RAB3C: variants seen among roughly 807,000 people sequenced by gnomAD.
RAB3C encodes the protein ras-related protein Rab-3C.
Under a neutral mutation model 26.4 loss-of-function variants are expected in RAB3C, and 17 were observed. The ratio of observed to expected loss-of-function variants is 0.64; its 90% CI spans 0.44 to 0.97. RAB3C has a LOEUF of 0.97. RAB3C is among the 50% of genes least tolerant of loss of function. RAB3C has a pLI of 0.00. For missense variants in RAB3C, 242 were observed against 281.9 expected, an observed-to-expected ratio of 0.86 and a Z score of 1.01; for synonymous variants, 91 against 95.9, an observed-to-expected ratio of 0.95 and a Z score of 0.30.
chr5:58,779,417 C>G (rs562522768), intron 3 of RAB3C, among the ~76,000 whole-genome samples: 1 of 151,404 alleles, frequency 6.6e-6, no homozygotes, highest in Non-Finnish European at 1.5e-5. Context: ...CAGTGGCTCA[C>G]TCTGTTGCCC....
chr5:58,710,320 C>T (rs527699022), intron 2 of RAB3C, among the ~76,000 whole-genome samples: 5 of 152,048 alleles, frequency 3.3e-5, no homozygotes, highest in South Asian at 2.1e-4. Context: ...TTTTCCAGGC[C>T]GGGCGTGGTG....
intron 3 of RAB3C, chr5:58,814,626 A>T (rs1193232468): frequency 3.3e-5 from 5 of 152,220 alleles, no homozygotes; most frequent in Non-Finnish European, 7.3e-5. Context: ...GTGAAAGCAT[A>T]ACCCAGTCAT....
intron 2 of RAB3C, among the ~76,000 whole-genome samples, chr5:58,627,053 A>G (rs529046156): frequency 7.9e-5 from 12 of 152,290 alleles, no homozygotes; most frequent in African/African-American, 2.4e-4. Flanking sequence ...GGAGCCATCT[A>G]TGCATTTAAA....
intron 3 of RAB3C, among the ~76,000 whole-genome samples, chr5:58,759,903 G>A (rs140556232): frequency 3.9e-5 from 6 of 152,314 alleles, no homozygotes; most frequent in African/African-American, 7.2e-5. Flanking sequence ...TTTACAGGAC[G>A]AAAATTAGGC....
intron 3 of RAB3C, among the ~76,000 whole-genome samples, chr5:58,761,059 T>TCA (rs777146349): frequency 2.9e-5 from 2 of 68,582 alleles, no homozygotes; most frequent in Admixed American, 1.4e-4. Context: ...CCTCTCTCTC[T>TCA]CTCTCACACA....
chr5:58,614,598 TGTCCCTCCTA>T (rs1254065976), intron 1 of RAB3C, among the ~76,000 whole-genome samples: 1 of 152,034 alleles, frequency 6.6e-6, no homozygotes, highest in Non-Finnish European at 1.5e-5. Context: ...ACCAGCTCTG[TGTCCCTCCTA>T]GACCCCCTCT....
rs1301150597 is a variant in RAB3C, at chr5:58,856,933, T to C, written c.*5582T>C. ...TCCTGTAATTCCTGTTAATATATTG[T>C]TAATGTCAGACGTGATGTGATACCG... On this transcript the variant is annotated 3_prime_UTR_variant, in exon 5 of 5. Transcript: ENST00000282878. 1.3e-5 allele frequency: 2 copies of C among 152,220 alleles called. No homozygotes were observed. Among genetic ancestry groups the C allele is most frequent in the East Asian group, 3.8e-4 (2 of 5,200 alleles). 9.4% of individuals were successfully genotyped at this position (152,220 alleles called of 1,614,324 possible).
intron 2 of RAB3C, among the ~76,000 whole-genome samples, chr5:58,683,251 A>G (rs1302274159): frequency 2.6e-5 from 4 of 152,218 alleles, no homozygotes; most frequent in Non-Finnish European, 5.9e-5. Flanking sequence ...ATAAGTTTTA[A>G]AGCTTGAAAA....
intron 2 of RAB3C, among the ~76,000 whole-genome samples, chr5:58,642,086 C>T (rs977350506): frequency 1.3e-5 from 2 of 152,188 alleles, no homozygotes; most frequent in South Asian, 2.1e-4. Context: ...AGCCTAACTT[C>T]CTTTCTATGA....
intron 3 of RAB3C, among the ~76,000 whole-genome samples, chr5:58,740,491 A>G (rs1266810091): frequency 1.3e-5 from 2 of 152,134 alleles, no homozygotes; most frequent in Non-Finnish European, 2.9e-5. Flanking sequence ...TATAACTGTT[A>G]TGTCAACTTG....
At chr5:58,750,138 A>G (rs1373999422) in intron 3 of RAB3C, among the ~76,000 whole-genome samples, 1 of 152,180 alleles carries the variant, frequency 6.6e-6, no homozygotes, top group Non-Finnish European at 1.5e-5. Context: ...GTTTTATAAT[A>G]TATTTTGCTA....
intron 1 of RAB3C, among the ~76,000 whole-genome samples, chr5:58,594,114 A>T (rs1460564361): frequency 1.3e-5 from 2 of 152,162 alleles, no homozygotes; most frequent in Non-Finnish European, 2.9e-5. Flanking sequence ...CTCATCAAAG[A>T]TCAATGGGCG....
intron 3 of RAB3C, among the ~76,000 whole-genome samples, chr5:58,743,237 T>C (rs1025527867): frequency 3.3e-5 from 5 of 152,174 alleles, no homozygotes; most frequent in Non-Finnish European, 5.9e-5. Flanking sequence ...CCTGGCATCA[T>C]GGGGTAGGCA....
chr5:58,764,238 A>G (rs571104518), intron 3 of RAB3C, among the ~76,000 whole-genome samples: 41 of 152,178 alleles, frequency 2.7e-4, no homozygotes, highest in Non-Finnish European at 4.1e-4. Context: ...TGTAAATTTA[A>G]AAAGACTAAC....
At chr5:58,834,852 CT>C in intron 4 of RAB3C, among the ~76,000 whole-genome samples, 1 of 152,292 alleles carries the variant, frequency 6.6e-6, no homozygotes, top group African/African-American at 2.4e-5. Context: ...CTCTTTTGTG[CT>C]TCCCAGTTCC....
At chr5:58,685,296 C>T (rs919077188) in intron 2 of RAB3C, among the ~76,000 whole-genome samples, 1 of 152,124 alleles carries the variant, frequency 6.6e-6, no homozygotes, top group Non-Finnish European at 1.5e-5. Context: ...AGGCTGCATT[C>T]GTTCTGGAGG....
At chr5:58,623,962 C>G (rs1246041790) in intron 2 of RAB3C, among the ~76,000 whole-genome samples, 1 of 152,168 alleles carries the variant, frequency 6.6e-6, no homozygotes, top group Admixed American at 6.5e-5. Flanking sequence ...AACACCTACC[C>G]CTGAGCTGTT....
At chr5:58,740,326 C>A (rs1462128805) in intron 3 of RAB3C, among the ~76,000 whole-genome samples, 1 of 152,142 alleles carries the variant, frequency 6.6e-6, no homozygotes, top group Non-Finnish European at 1.5e-5. Context: ...AGTGACTTAT[C>A]CCTTCCATTC....
chr5:58,765,004 G>A (rs1471028506), intron 3 of RAB3C, among the ~76,000 whole-genome samples: 1 of 152,050 alleles, frequency 6.6e-6, no homozygotes, highest in African/African-American at 2.4e-5. Context: ...TTAAAAGACT[G>A]ATGTATTTGT....
Sources: allele counts gnomAD v4.1 joint callset (sites outside exome capture counted in the v4.1 genomes callset), GRCh38; gene constraint gnomAD v4.1.1; transcripts MANE v1.5; gene names NCBI Gene and HGNC (gene_info 2026-07-23, HGNC 2026-07-21).